The following SNX18 variants were observed in gnomAD, a reference collection of about 807,000 sequenced individuals.
SNX18 encodes the protein sorting nexin 18.
SNX18 carries 35 observed loss-of-function variants against 48.7 expected under a neutral mutation model. The ratio of observed to expected loss-of-function variants is 0.72; its 90% CI spans 0.55 to 0.95. SNX18 has a LOEUF of 0.95. Among genes scored for constraint, SNX18 ranks in the 40% least tolerant of loss-of-function variants. The pLI, the probability that SNX18 is intolerant of heterozygous loss-of-function variation, is 0.00. For missense variants in SNX18, 824 were observed against 871.0 expected, an observed-to-expected ratio of 0.95 and a Z score of 0.68; for synonymous variants, 492 against 384.7, an observed-to-expected ratio of 1.28 and a Z score of -3.26.
the SNX18 span, among the ~76,000 whole-genome samples, chr5:54,566,795 T>G: frequency 6.6e-6 from 1 of 152,214 alleles, no homozygotes; most frequent in Non-Finnish European, 1.5e-5. Flanking sequence ...GTCCCCCAGC[T>G]AGGGACTCAT....
At chr5:54,548,459 C>T (rs1762608243), downstream of SNX18, among the ~76,000 whole-genome samples, 1 of 152,214 alleles carries the variant, frequency 6.6e-6, no homozygotes, top group South Asian at 2.1e-4. Flanking sequence ...TCTCTGCAAG[C>T]TGACCCAGCA....
At chr5:54,591,446 C>T in the SNX18 span, among the ~76,000 whole-genome samples, 1 of 152,190 alleles carries the variant, frequency 6.6e-6, no homozygotes, top group East Asian at 1.9e-4. Context: ...CTGCCTTGGC[C>T]TCCCAAAGTG....
At chr5:54,641,173 T>C in the SNX18 span, among the ~76,000 whole-genome samples, 1 of 152,198 alleles carries the variant, frequency 6.6e-6, no homozygotes, top group African/African-American at 2.4e-5. Context: ...TACCACCTTG[T>C]TCTTCACCAG....
At chr5:54,540,938 A>T (rs1225804805) in intron 1 of SNX18, among the ~76,000 whole-genome samples, 1 of 152,178 alleles carries the variant, frequency 6.6e-6, no homozygotes, top group East Asian at 1.9e-4. Context: ...ATTATAAAAC[A>T]TGTATTTTAT....
chr5:54,613,907 T>C, the SNX18 span, among the ~76,000 whole-genome samples: 1 of 152,092 alleles, frequency 6.6e-6, no homozygotes, highest in Non-Finnish European at 1.5e-5. Flanking sequence ...GTTGGTCAGG[T>C]TGGTCTCGAA....
Position 54,518,651 on chromosome 5 carries a change from C to T in SNX18, c.699C>T (p.Ser233=), listed in dbSNP as rs752809825. ...TGAGCCGCAACCTCAATCGCTTCTC[C>T]ACCTTCGTCAAGTCCGGCGGGGAGG... The part of the protein sequence containing the change: ...ATVSRNLNRF[S]TFVKSGGEAF... The change falls in exon 1 of 2, where the codon TCC becomes TCT. Residue 233 remains serine, a synonymous_variant. Transcript: ENST00000381410. The T allele has an allele frequency of 1.3e-5, 21 of 1,557,174 alleles. No homozygotes were observed. In the African/African-American group the frequency reaches 2.9e-4, roughly 21 times the overall value.
chr5:54,604,096 G>C, the SNX18 span, among the ~76,000 whole-genome samples: 1 of 152,192 alleles, frequency 6.6e-6, no homozygotes, highest in Non-Finnish European at 1.5e-5. Context: ...CCCTGCTCTC[G>C]TGAAGGTTTC....
At chr5:54,572,236 CCTTTTCTGT>C in the SNX18 span, among the ~76,000 whole-genome samples, 2 of 152,076 alleles carry the variant, frequency 1.3e-5, no homozygotes, top group South Asian at 4.1e-4. Flanking sequence ...AAAGCTCTAT[CCTTTTCTGT>C]CTTTTAACTG....
At chr5:54,525,859 G>A (rs1171489301) in intron 1 of SNX18, among the ~76,000 whole-genome samples, 1 of 152,184 alleles carries the variant, frequency 6.6e-6, no homozygotes, top group Non-Finnish European at 1.5e-5. Flanking sequence ...GTCTACTTAT[G>A]TGACTGTTTT....
At chr5:54,540,698 G>T in intron 1 of SNX18, among the ~76,000 whole-genome samples, 1 of 151,960 alleles carries the variant, frequency 6.6e-6, no homozygotes, top group South Asian at 2.1e-4. Flanking sequence ...TGTTCTCTAT[G>T]ATGAAAAGCT....
chr5:54,539,537 G>A lies in SNX18; in HGVS notation c.1622-3642G>A, dbSNP rs989812729. Reference sequence around the variant, plus strand: ...CATTTTCCGTTGTCACATTGGTCACGTTATCTTGGAGAAAGCCATATTCAA... The same window carrying A: ...CATTTTCCGTTGTCACATTGGTCACATTATCTTGGAGAAAGCCATATTCAA... On this transcript the variant is annotated intron_variant, in intron 1 of 1. Coordinates refer to ENST00000381410, the MANE Select transcript of SNX18 (RefSeq NM_001102575.2). 2.6e-5 allele frequency among the ~76,000 whole-genome samples: 4 copies of A among 152,066 alleles called. No individual in the cohort carries two copies. The East Asian group carries it at 5.8e-4, about 22-fold the overall frequency.
At chr5:54,529,765 C>A (rs1762220156) in intron 1 of SNX18, among the ~76,000 whole-genome samples, 1 of 152,140 alleles carries the variant, frequency 6.6e-6, no homozygotes, top group Non-Finnish European at 1.5e-5. Context: ...CACTGTGTAA[C>A]CTTGGGCCAC....
chr5:54,533,762 G>A (rs759416344), intron 1 of SNX18, among the ~76,000 whole-genome samples: 7 of 152,200 alleles, frequency 4.6e-5, no homozygotes, highest in Non-Finnish European at 8.8e-5. Context: ...GTGGCTGGAC[G>A]GCTGCCCTAG....
Position 54,518,832 on chromosome 5 carries a change from A to G in SNX18, c.880A>G (p.Ser294Gly). 6.2e-7 allele frequency: 1 copy of G among 1,609,688 alleles called. No individual in the cohort carries two copies. The highest frequency in any genetic ancestry group is 8.5e-7 in the Non-Finnish European group (1 of 1,177,336). ...GCAGACCAAGTTCAAGGGCATGAAG[A>G]GCTACATCTCCTACAAGCTGGTGCC... ...TKQTKFKGMK[S>G]YISYKLVPTH... Residue 294 changes from serine (S) to glycine (G), a missense_variant, in exon 1 of 2, where the codon AGC (serine) becomes GGC (glycine). Coordinates refer to ENST00000381410, the MANE Select transcript of SNX18 (RefSeq NM_001102575.2).
At chr5:54,555,405 T>C in the SNX18 span, among the ~76,000 whole-genome samples, 24 of 151,702 alleles carry the variant, frequency 1.6e-4, no homozygotes, top group East Asian at 4.3e-3. Context: ...GATGGGGATC[T>C]CATTATGTTG....
intron 1 of SNX18, among the ~76,000 whole-genome samples, chr5:54,535,053 T>C (rs1762326932): frequency 6.6e-6 from 1 of 152,246 alleles, no homozygotes; most frequent in Non-Finnish European, 1.5e-5. Context: ...CCTTTTAAGG[T>C]AATATTAATG....
chr5:54,611,014 C>T, the SNX18 span, among the ~76,000 whole-genome samples: 2 of 152,162 alleles, frequency 1.3e-5, no homozygotes, highest in African/African-American at 4.8e-5. Flanking sequence ...CAGAACAGAA[C>T]AGACTGAATA....
the SNX18 span, among the ~76,000 whole-genome samples, chr5:54,628,335 C>T: frequency 6.6e-6 from 1 of 152,142 alleles, no homozygotes; most frequent in Non-Finnish European, 1.5e-5. Context: ...AGAGGCTGTT[C>T]CAAGCCCACT....
chr5:54,625,648 T>G, the SNX18 span, among the ~76,000 whole-genome samples: 1 of 152,140 alleles, frequency 6.6e-6, no homozygotes, highest in Non-Finnish European at 1.5e-5. Flanking sequence ...GTCCAGCCCA[T>G]ACTCAGAAGA....
Sources: allele counts gnomAD v4.1 joint callset (sites outside exome capture counted in the v4.1 genomes callset), GRCh38; gene constraint gnomAD v4.1.1; transcripts MANE v1.5; gene names NCBI Gene and HGNC (gene_info 2026-07-23, HGNC 2026-07-21).